CEP350: variants seen among roughly 807,000 people sequenced by gnomAD.
The protein encoded by CEP350 is centrosomal protein 350, also known as centrosome-associated protein 350.
A neutral mutation model predicts 331.8 loss-of-function variants in CEP350; 126 were observed. That is an observed-to-expected ratio of 0.38 (90% CI 0.33 to 0.44). The LOEUF (loss-of-function observed/expected upper bound fraction) is 0.44, where lower values mean the gene tolerates loss of function less well. Ranked by LOEUF, CEP350 falls within the 20% of genes least tolerant of loss-of-function variation. The pLI is 1.00. For missense variants in CEP350, 3,406 were observed against 3,634.6 expected (o/e 0.94, Z 1.62); for synonymous variants, 1,200 against 1,259.5 (o/e 0.95, Z 1.00).
intron 8 of CEP350, 21 bp from the exon 9 acceptor site, chr1:180,011,908 C>T: frequency 6.5e-7 from 1 of 1,544,124 alleles, no homozygotes; most frequent in Non-Finnish European, 8.8e-7. Context: ...GTTTTAATTT[C>T]AGTGCCATGT....
chr1:179,995,530 G>A lies in CEP350; in HGVS notation c.396-1023G>A, dbSNP rs111444841. ...TGAGGCAGGAGAATCGCTTGAACCC[G>A]GGAGGCAGAGGTTGCAGTGAGCGAG... On this transcript the variant is annotated intron_variant, in intron 5 of 37. Transcript: ENST00000367607. Among the ~76,000 whole-genome samples the A allele has an allele frequency of 8.9e-3, 1,361 of 152,260 alleles. 23 individuals are homozygous for A. Among genetic ancestry groups the A allele is most frequent in the African/African-American group, 0.031 (1,275 of 41,548 alleles).
intron 24 of CEP350, 64 bp downstream of exon 24, chr1:180,053,998 A>G (rs1657662607): frequency 7.7e-7 from 1 of 1,304,620 alleles, no homozygotes; most frequent in Non-Finnish European, 1.0e-6. Context: ...TTTATATTTT[A>G]AGATTTTTTT....
At chr1:180,051,067 A>G (rs1657467879) in intron 22 of CEP350, among the ~76,000 whole-genome samples, 1 of 152,250 alleles carries the variant, frequency 6.6e-6, no homozygotes, top group Admixed American at 6.5e-5. Flanking sequence ...TGTCTACATA[A>G]CAACCTATAT....
At chr1:180,001,573 A>T (rs1291138868) in intron 6 of CEP350, among the ~76,000 whole-genome samples, 1 of 152,130 alleles carries the variant, frequency 6.6e-6, no homozygotes, top group African/African-American at 2.4e-5. Context: ...AGTAGGGATA[A>T]ATTTGAAGTG....
At chr1:179,962,245 T>C (rs1571774761) in intron 1 of CEP350, among the ~76,000 whole-genome samples, 3 of 152,206 alleles carry the variant, frequency 2.0e-5, no homozygotes, top group East Asian at 3.8e-4. Flanking sequence ...AGGTGTGATA[T>C]TTGATTTTCT....
At chr1:179,983,679 C>G (rs541332898) in intron 1 of CEP350, among the ~76,000 whole-genome samples, 10 of 152,310 alleles carry the variant, frequency 6.6e-5, no homozygotes, top group Admixed American at 4.6e-4. Context: ...GTGAGCCCTT[C>G]TTTTTCTTAA....
Position 180,078,588 on chromosome 1 carries a change from C to A in CEP350, c.5893C>A (p.Gln1965Lys). The change falls in exon 29 of 38, where the codon CAG (glutamine) becomes AAG (lysine). Residue 1965 changes from glutamine (Q) to lysine (K), a missense_variant. By Grantham distance (53) the Gln-to-Lys change is moderately conservative (BLOSUM62 1). Transcript: ENST00000367607. ...YVPSESIGQE[Q>K]PGSPDHSILT... ...ACCATCCGAGTCTATAGGACAGGAG[C>A]AGCCAGGGAGTCCAGATCACAGTAT... 6.2e-7 allele frequency: 1 copy of A among 1,613,354 alleles called. No individual in the cohort carries two copies. The highest frequency in any genetic ancestry group is 8.5e-7 in the Non-Finnish European group (1 of 1,179,580).
At chr1:179,974,159 A>G (rs1360526583) in intron 1 of CEP350, among the ~76,000 whole-genome samples, 8 of 151,512 alleles carry the variant, frequency 5.3e-5, no homozygotes, top group Admixed American at 5.3e-4. Flanking sequence ...GGCTCACTGC[A>G]AGCTCTGCCT....
intron 14 of CEP350, among the ~76,000 whole-genome samples, chr1:180,026,317 T>C (rs543990441): frequency 2.0e-5 from 3 of 152,134 alleles, no homozygotes; most frequent in Non-Finnish European, 4.4e-5. Context: ...CTTTATCTTA[T>C]TTATTTTGCA....
intron 33 of CEP350, among the ~76,000 whole-genome samples, chr1:180,091,359 C>A (rs1310980727): frequency 6.6e-6 from 1 of 151,928 alleles, no homozygotes; most frequent in Non-Finnish European, 1.5e-5. Flanking sequence ...TCTTTATTGT[C>A]CAAAATTTAT....
chr1:180,056,419 T>C (rs1364109855), intron 25 of CEP350, among the ~76,000 whole-genome samples: 3 of 151,428 alleles, frequency 2.0e-5, no homozygotes, highest in African/African-American at 7.3e-5. Context: ...TTTTTTTATT[T>C]AATCAGTTTT....
chr1:180,105,731 A>G (rs1661106528), intron 37 of CEP350, among the ~76,000 whole-genome samples: 1 of 152,154 alleles, frequency 6.6e-6, no homozygotes, highest in South Asian at 2.1e-4. Flanking sequence ...TGATTCTTTT[A>G]TCAAAATCTT....
At chr1:180,048,195 G>A (rs573644767) in intron 21 of CEP350, among the ~76,000 whole-genome samples, 5 of 152,246 alleles carry the variant, frequency 3.3e-5, no homozygotes, top group East Asian at 3.9e-4. Flanking sequence ...GTGATAAATC[G>A]TGATGTTAAT....
intron 26 of CEP350, among the ~76,000 whole-genome samples, chr1:180,063,956 C>CA (rs1200491697): frequency 6.6e-6 from 1 of 152,050 alleles, no homozygotes; most frequent in Admixed American, 6.5e-5. Context: ...TCAAACAGTA[C>CA]AAAAAATTCT....
In CEP350 at chr1:179,956,905, G is replaced by A. The variant is rs183013871; in HGVS notation, c.-14+1763G>A. Among the ~76,000 whole-genome samples, 168 of 152,084 alleles carry A rather than the reference G, an allele frequency of 1.1e-3. 1 individual carries two copies. Among genetic ancestry groups the A allele is most frequent in the Non-Finnish European group, 2.0e-3 (135 of 67,936 alleles). On this transcript the variant is annotated intron_variant, in intron 1 of 37. Coordinates refer to ENST00000367607, the MANE Select transcript of CEP350 (RefSeq NM_014810.5). ...TATTTTAAACTAAATATTAATATAG[G>A]TGCTCTGGCATTTGGTGTTATTTTA... is the stretch of plus-strand genomic sequence containing the variant.
At chr1:179,976,974 T>G (rs1482985331) in intron 1 of CEP350, among the ~76,000 whole-genome samples, 1 of 152,230 alleles carries the variant, frequency 6.6e-6, no homozygotes, top group Non-Finnish European at 1.5e-5. Flanking sequence ...TTCCTTTTCT[T>G]TGGGGCCACT....
chr1:180,075,266 A>C (rs940890592), intron 28 of CEP350, 45 bp downstream of exon 28: 1 of 1,506,686 alleles, frequency 6.6e-7, no homozygotes, highest in African/African-American at 1.4e-5. Flanking sequence ...AAAGCCTAAC[A>C]TAATTGAAAG....
chr1:180,012,055 GAGAA>G lies in CEP350; in HGVS notation c.1378_1381del (p.Arg460LeufsTer41). 6.4e-7 allele frequency: 1 copy of G among 1,562,146 alleles called. No individual in the cohort carries two copies. Among genetic ancestry groups the G allele is most frequent in the Non-Finnish European group, 8.7e-7 (1 of 1,154,060 alleles). ...ACAGCATCAAGTGACAGAGGTGGAAGAGAAAGAACTGCTAAATCTGGTAAGTAGC... is the reference window on the plus strand; with the variant it reads ...ACAGCATCAAGTGACAGAGGTGGAAGAGAACTGCTAAATCTGGTAAGTAGC... On this transcript the variant is annotated frameshift_variant, in exon 9 of 38. Transcript: ENST00000367607. LOFTEE classifies it high-confidence loss of function.
chr1:180,105,911 T>C (rs769367504), intron 37 of CEP350, among the ~76,000 whole-genome samples: 5 of 152,198 alleles, frequency 3.3e-5, no homozygotes, highest in Non-Finnish European at 5.9e-5. Context: ...TTATTTGAGG[T>C]GAATAAAATG....
Sources: gnomAD v4.1 joint callset for allele counts (sites outside exome capture counted in the v4.1 genomes callset) on GRCh38, gnomAD v4.1.1 for gene constraint, MANE v1.5 for transcripts, NCBI Gene and HGNC (gene_info 2026-07-23, HGNC 2026-07-21) for gene names.